NSD2: variants seen among roughly 807,000 people sequenced by gnomAD.
NSD2 encodes the protein histone-lysine N-methyltransferase NSD2.
Under a neutral mutation model 139.0 loss-of-function variants are expected in NSD2, and 12 were observed. That is an observed-to-expected ratio of 0.09 (90% CI 0.06 to 0.14). The LOEUF (loss-of-function observed/expected upper bound fraction) is 0.14. Ranked by LOEUF, NSD2 falls within the 10% of genes least tolerant of loss-of-function variation. NSD2 has a pLI of 1.00. For synonymous variants in NSD2, 669 were observed against 648.7 expected (o/e 1.03, Z -0.48); for missense variants, 1,155 against 1,745.0 (o/e 0.66, Z 6.02).
At chr4:1,943,916 T>TAG (rs1178396318) in intron 9 of NSD2, 34 of 1,063,498 alleles carry the variant, frequency 3.2e-5, no homozygotes, top group Non-Finnish European at 3.9e-5. Flanking sequence ...CCATAACTGA[T>TAG]AGATGCATTA....
At chr4:1,880,492 A>G (rs773829165) in intron 1 of NSD2, among the ~76,000 whole-genome samples, 4 of 152,168 alleles carry the variant, frequency 2.6e-5, no homozygotes, top group Non-Finnish European at 5.9e-5. Flanking sequence ...GTTGTGTGCC[A>G]ATGATGAGCC....
At chr4:1,978,603 A>G (rs1727385714) in intron 21 of NSD2, 35 bp from the exon 22 acceptor site, 1 of 1,569,318 alleles carries the variant, frequency 6.4e-7, no homozygotes, top group African/African-American at 1.4e-5. Context: ...TGATTCCATC[A>G]CTTCTGTGTG....
At chr4:1,880,946 A>G (rs938059198) in intron 1 of NSD2, among the ~76,000 whole-genome samples, 6 of 152,136 alleles carry the variant, frequency 3.9e-5, no homozygotes, top group Admixed American at 3.9e-4. Context: ...AATTATTTTT[A>G]TTTTTAGCTG....
At chr4:1,912,086 C>G (rs1277279269) in intron 3 of NSD2, 3 of 389,210 alleles carry the variant, frequency 7.7e-6, no homozygotes, top group African/African-American at 6.3e-5. Context: ...ATCCTTGAAT[C>G]TTAGGTATTT....
At chr4:1,890,524 A>G (rs556229822) in intron 1 of NSD2, among the ~76,000 whole-genome samples, 1 of 151,794 alleles carries the variant, frequency 6.6e-6, no homozygotes, top group South Asian at 2.1e-4. Context: ...GATGGTCTCG[A>G]TCTCCTGACC....
intron 5 of NSD2, among the ~76,000 whole-genome samples, chr4:1,928,276 T>G (rs1465222869): frequency 1.3e-5 from 2 of 152,154 alleles, no homozygotes; most frequent in Non-Finnish European, 2.9e-5. Flanking sequence ...CTTGCCAGTA[T>G]GTTATTGTAC....
intron 1 of NSD2, among the ~76,000 whole-genome samples, chr4:1,884,878 G>C (rs775588159): frequency 1.1e-4 from 16 of 151,906 alleles, no homozygotes; most frequent in Admixed American, 4.6e-4. Flanking sequence ...GGAGGCCGAG[G>C]CAGGCGGATC....
intron 5 of NSD2, among the ~76,000 whole-genome samples, chr4:1,925,152 A>T (rs1262195120): frequency 1.3e-5 from 2 of 152,174 alleles, no homozygotes; most frequent in Non-Finnish European, 2.9e-5. Context: ...CCCTGCTTCC[A>T]TCTGTAACCT....
In NSD2 at chr4:1,918,640, G is replaced by A. The variant is rs1376051772; in HGVS notation, c.1410+17G>A. 1.9e-6 allele frequency: 3 copies of A among 1,607,838 alleles called. No homozygotes were observed. The African/African-American group carries it at 4.0e-5, about 22-fold the overall frequency. On this transcript the variant is annotated intron_variant, in intron 5 of 21. Coordinates refer to ENST00000508803, the MANE Select transcript of NSD2 (RefSeq NM_001042424.3). ...AGGGATGAGGTCAGTACTAAGTTGT[G>A]TTTCATGCTAGCAAGTTTCAGAATT...
chr4:1,935,375 C>CCTGGAAGGAGCTGGG, intron 7 of NSD2, 113 bp downstream of exon 7: 1 of 746,072 alleles, frequency 1.3e-6, no homozygotes, highest in Non-Finnish European at 2.2e-6. Flanking sequence ...GTGCACCCAG[C>CCTGGAAGGAGCTGGG]TCCTTCCAGG....
In NSD2 at chr4:1,952,250, G is replaced by A. The variant is rs201208580; in HGVS notation, c.2137+19G>A. ...GCCTCAGGCAAGTTCCCACGGGCGGGCAGCTCTGCAGCCTGGCCGGCCACC... is the reference window on the plus strand; with the variant it reads ...GCCTCAGGCAAGTTCCCACGGGCGGACAGCTCTGCAGCCTGGCCGGCCACC... On this transcript the variant is annotated intron_variant, in intron 11 of 21. Coordinates refer to ENST00000508803, the MANE Select transcript of NSD2 (RefSeq NM_001042424.3). The A allele has an allele frequency of 6.2e-7, 1 of 1,612,204 alleles. No homozygotes were observed. Among genetic ancestry groups the A allele is most frequent in the Non-Finnish European group, 8.5e-7 (1 of 1,179,550 alleles).
At chr4:1,968,227 G>C (rs1726085070) in intron 18 of NSD2, among the ~76,000 whole-genome samples, 1 of 152,244 alleles carries the variant, frequency 6.6e-6, no homozygotes, top group Non-Finnish European at 1.5e-5. Context: ...AGTTAAATGT[G>C]AGATCCAAGA....
chr4:1,939,118 G>T (rs1473808591), intron 8 of NSD2, among the ~76,000 whole-genome samples: 1 of 152,102 alleles, frequency 6.6e-6, no homozygotes, highest in African/African-American at 2.4e-5. Flanking sequence ...ACAAAACCCT[G>T]GGGAGGAGAG....
rs1727594882 is a variant in NSD2 at position 1,979,962 on chromosome 4, G to A, written c.*1053G>A. 1 of 232,634 alleles carries A rather than the reference G, an allele frequency of 4.3e-6. No individual in the cohort carries two copies. The highest frequency in any genetic ancestry group is 6.1e-5 in the East Asian group (1 of 16,504). 14.4% of individuals were successfully genotyped at this position (232,634 alleles called of 1,614,324 possible). A position where few individuals can be genotyped will look rare whatever the true frequency, so the allele number is the denominator to read the frequency against. On this transcript the variant is annotated 3_prime_UTR_variant, in exon 22 of 22. Transcript: ENST00000508803. ...GGGGACCCCAGCACGTGGGTCTAAAGAGAGACGGAGTCTAGCTCTCCTGCC... is the reference window on the plus strand; with the variant it reads ...GGGGACCCCAGCACGTGGGTCTAAAAAGAGACGGAGTCTAGCTCTCCTGCC...
At chr4:1,926,410 C>T (rs540442040) in intron 5 of NSD2, among the ~76,000 whole-genome samples, 9 of 151,960 alleles carry the variant, frequency 5.9e-5, no homozygotes, top group Non-Finnish European at 5.9e-5. Flanking sequence ...GCCTCAGCCT[C>T]CCAAAGTGCT....
chr4:1,926,431 G>T (rs1286135936), intron 5 of NSD2, among the ~76,000 whole-genome samples: 1 of 151,668 alleles, frequency 6.6e-6, no homozygotes, highest in Non-Finnish European at 1.5e-5. Context: ...GCGATTACAG[G>T]TGTGAGCCAC....
At chr4:1,933,974 C>T (rs1353246626) in intron 6 of NSD2, among the ~76,000 whole-genome samples, 1 of 151,572 alleles carries the variant, frequency 6.6e-6, no homozygotes, top group Non-Finnish European at 1.5e-5. Context: ...TGTTGTGTTA[C>T]TACTTAACAT....
At chr4:1,968,927 G>A (rs1470307653) in intron 18 of NSD2, among the ~76,000 whole-genome samples, 1 of 152,244 alleles carries the variant, frequency 6.6e-6, no homozygotes, top group Admixed American at 6.5e-5. Context: ...TCTGGTAGCA[G>A]ATGGCAGCTG....
At chr4:1,901,828 T>C (rs1717217768) in intron 2 of NSD2, among the ~76,000 whole-genome samples, 1 of 152,224 alleles carries the variant, frequency 6.6e-6, no homozygotes, top group Non-Finnish European at 1.5e-5. Context: ...TTTTGCCTCC[T>C]GTTCTTGGTT....
Sources: allele counts gnomAD v4.1 joint callset (sites outside exome capture counted in the v4.1 genomes callset), GRCh38; gene constraint gnomAD v4.1.1; transcripts MANE v1.5; gene names NCBI Gene and HGNC (gene_info 2026-07-23, HGNC 2026-07-21).